Variants in C12orf76 observed in about 807,000 individuals in gnomAD.
The protein encoded by C12orf76 is chromosome 12 open reading frame 76.
A neutral mutation model predicts 6.8 loss-of-function variants in C12orf76; 6 were observed. The observed-to-expected ratio is 0.88, with a 90% CI of 0.48 to 1.73. The LOEUF (loss-of-function observed/expected upper bound fraction) is 1.73. C12orf76 is among the 40% of genes most tolerant of loss of function. The pLI, the probability that C12orf76 is intolerant of heterozygous loss-of-function variation, is 0.01. For missense variants in C12orf76, 99 were observed against 98.2 expected (o/e 1.01, Z -0.03); for synonymous variants, 56 against 43.7 (o/e 1.28, Z -1.11).
chr12:110,048,582 C>G (rs749634780), upstream of C12orf76: 8 of 1,337,244 alleles, frequency 6.0e-6, no homozygotes, highest in Non-Finnish European at 7.6e-6. Context: ...GTCGCTGCCA[C>G]CGCCCTTAGG....
chr12:110,065,599 C>T (rs530928283), intron 2 of C12orf76, among the ~76,000 whole-genome samples: 3 of 152,272 alleles, frequency 2.0e-5, no homozygotes, highest in Non-Finnish European at 2.9e-5. Flanking sequence ...ATCTCTCTGG[C>T]TCCACCATCC....
upstream of C12orf76, among the ~76,000 whole-genome samples, chr12:110,070,522 C>G (rs555626257): frequency 6.7e-6 from 1 of 150,202 alleles, no homozygotes; most frequent in South Asian, 2.1e-4. Context: ...GCTGTGATCA[C>G]GCCACTGCAC....
chr12:110,048,485 G>T lies in C12orf76; in HGVS notation c.11C>A (p.Pro4Gln). The change falls in exon 1 of 2, where the codon CCA (proline) becomes CAA (glutamine). Residue 4 changes from proline (P) to glutamine (Q), a missense_variant. By Grantham distance (76) the Pro-to-Gln change is moderately conservative. Coordinates refer to ENST00000615315, the MANE Select transcript of C12orf76 (RefSeq NM_001389625.1). Reference sequence around the variant, plus strand: ...GCCAAGGTACAGCCACGGTAACGCTGGACGCAGCATCTTCCCCAGCCCTGC... The same window carrying T: ...GCCAAGGTACAGCCACGGTAACGCTTGACGCAGCATCTTCCCCAGCCCTGC... MLR[P>Q]ALPWLYLGLC... 3 of 1,450,116 alleles carry T rather than the reference G, an allele frequency of 2.1e-6. No individual in the cohort carries two copies. The highest frequency in any genetic ancestry group is 2.7e-6 in the Non-Finnish European group (3 of 1,102,632). The allele number at this position is 1,450,116 out of a possible 1,614,324, so 89.8% of individuals were successfully genotyped here. A position where few individuals can be genotyped will look rare whatever the true frequency, so the allele number is the denominator to read the frequency against.
chr12:110,069,480 A>G (rs562289702), upstream of C12orf76, among the ~76,000 whole-genome samples: 1 of 152,258 alleles, frequency 6.6e-6, no homozygotes, highest in South Asian at 2.1e-4. Context: ...GCTTATCAAA[A>G]TTGCCTTTTA....
At position 110,054,837 on chromosome 12, in the gene C12orf76, C is replaced by T. The variant is rs1057125985; in HGVS notation, n.664+2352G>A. Among the ~76,000 whole-genome samples the T allele has an allele frequency of 3.3e-5, 5 of 152,150 alleles. No homozygotes were observed. The highest frequency in any genetic ancestry group is 7.3e-5 in the Non-Finnish European group (5 of 68,040). On this transcript the variant is annotated intron_variant and non_coding_transcript_variant, in intron 4 of 4. Coordinates refer to the C12orf76 transcript ENST00000309050. This position sits in a 1 kb window ranked among gnomAD's most constrained non-coding sequence, Gnocchi z 4.4. ...TAGAGATGGAGTCTTGCTGTGTTGC[C>T]GAGGCTGGAACGCAGTGGCTATTTC...
chr12:110,049,712 T>G (rs1381141034), upstream of C12orf76: 1 of 152,238 alleles, frequency 6.6e-6, no homozygotes, highest in Non-Finnish European at 1.5e-5. Context: ...TCAGGCCATC[T>G]GGATGTATAC....
chr12:110,069,853 A>C (rs1892939469), upstream of C12orf76, among the ~76,000 whole-genome samples: 1 of 152,208 alleles, frequency 6.6e-6, no homozygotes, highest in African/African-American at 2.4e-5. Context: ...AATTTGAGGG[A>C]GTTAAATACA....
upstream of C12orf76, among the ~76,000 whole-genome samples, chr12:110,053,393 G>A (rs772881938): frequency 7.2e-5 from 11 of 152,188 alleles, no homozygotes; most frequent in East Asian, 5.8e-4. Context: ...CAGCTACTCC[G>A]GAGGCTGAGG....
rs1341300566 is a variant in C12orf76, at chr12:110,041,212, C to G, written c.*1162G>C. 6.6e-6 allele frequency: 1 copy of G among 152,464 alleles called. No individual in the cohort carries two copies. Among genetic ancestry groups the G allele is most frequent in the Non-Finnish European group, 1.5e-5 (1 of 68,036 alleles). 9.4% of individuals were successfully genotyped at this position (152,464 alleles called of 1,614,324 possible). A position where few individuals can be genotyped will look rare whatever the true frequency, so the allele number is the denominator to read the frequency against. On this transcript the variant is annotated 3_prime_UTR_variant, in exon 2 of 2. Coordinates refer to ENST00000615315, the MANE Select transcript of C12orf76 (RefSeq NM_001389625.1). ...CTTTAGTTTTAATTGACGTTTTGCT[C>G]AAAAGCAAAGAACTGAACATTTCAA...
exon 3 of C12orf76, chr12:110,059,001 C>A (rs1327799937): frequency 1.3e-6 from 2 of 1,548,024 alleles, no homozygotes; most frequent in South Asian, 2.4e-5. Flanking sequence ...CACCTAATAG[C>A]CGAACAAACT....
chr12:110,058,301 T>C lies in C12orf76; in HGVS notation n.556+687A>G, dbSNP rs558945339. Among the ~76,000 whole-genome samples, 11 of 152,290 alleles carry C rather than the reference T, an allele frequency of 7.2e-5. No individual in the cohort carries two copies. The East Asian group carries it at 1.9e-3, about 27-fold the overall frequency. On this transcript the variant is annotated intron_variant and non_coding_transcript_variant, in intron 3 of 4. Transcript: ENST00000309050. ...TCTATGACAGTAAAGATATCTGTGA[T>C]AAAGATAGATCTATGATACACAATC...
In C12orf76 at chr12:110,047,396, T is replaced by C. The variant is rs114626496; in HGVS notation, c.133+967A>G. Among the ~76,000 whole-genome samples the C allele has an allele frequency of 4.8e-3, 725 of 152,228 alleles. 8 individuals carry two copies. The highest frequency in any genetic ancestry group is 0.017 in the African/African-American group (700 of 41,530). ...AGTTTCATTTTCCTTATCTGAAAAA[T>C]AGAGCTGCAACATCAGGTGCGGTGG... On this transcript the variant is annotated intron_variant, in intron 1 of 1. Coordinates refer to ENST00000615315, the MANE Select transcript of C12orf76 (RefSeq NM_001389625.1).
At chr12:110,050,649 ATATGGTC>A, upstream of C12orf76, 1 of 275,636 alleles carries the variant, frequency 3.6e-6, no homozygotes, top group African/African-American at 2.2e-5. Flanking sequence ...AAGTTACCCT[ATATGGTC>A]TAAAAGGGGG....
At chr12:110,059,161 T>G (rs1407578224) in exon 3 of C12orf76, 13 of 1,542,096 alleles carry the variant, frequency 8.4e-6, no homozygotes, top group Non-Finnish European at 1.1e-5. Context: ...CAAATGTTCC[T>G]TGCTGGTGTA....
chr12:110,049,939 G>A (rs538115521), upstream of C12orf76: 5 of 152,242 alleles, frequency 3.3e-5, no homozygotes, highest in South Asian at 2.1e-4. Flanking sequence ...AATCAATCAC[G>A]ACCCTTTCAT....
chr12:110,052,531 C>T (rs1477948615), upstream of C12orf76, among the ~76,000 whole-genome samples: 1 of 152,168 alleles, frequency 6.6e-6, no homozygotes, highest in East Asian at 1.9e-4. Context: ...TTAATACGTG[C>T]CAAGTGCTCT....
upstream of C12orf76, among the ~76,000 whole-genome samples, chr12:110,071,512 T>C (rs1892959596): frequency 6.6e-6 from 1 of 152,228 alleles, no homozygotes; most frequent in Non-Finnish European, 1.5e-5. Flanking sequence ...CTCATGCCTT[T>C]TTTTTTGTTT....
chr12:110,048,379 C>T lies in C12orf76; in HGVS notation c.117G>A (p.Leu39=). The T allele has an allele frequency of 6.6e-7, 1 of 1,515,736 alleles. No individual in the cohort carries two copies. Among genetic ancestry groups the T allele is most frequent in the Non-Finnish European group, 8.8e-7 (1 of 1,137,310 alleles). 93.9% of individuals were successfully genotyped at this position (1,515,736 alleles called of 1,614,324 possible). A position where few individuals can be genotyped will look rare whatever the true frequency, so the allele number is the denominator to read the frequency against. The part of the protein sequence containing the change: ...PLERSRPYAV[L]RGQNLVLMGT... ...GCCGCTCACCCAGGTTCTGCCCTCGCAGCACCGCGTACGGCCGGCTCCGCT... is the reference window on the plus strand; with the variant it reads ...GCCGCTCACCCAGGTTCTGCCCTCGTAGCACCGCGTACGGCCGGCTCCGCT... The change falls in exon 1 of 2, where the codon CTG becomes CTA. Residue 39 remains leucine (L), a synonymous_variant. Transcript: ENST00000615315.
chr12:110,041,997 CCTT>C lies in C12orf76; in HGVS notation c.*374_*376del, dbSNP rs1234145536. 9 of 201,718 alleles carry C rather than the reference CCTT, an allele frequency of 4.5e-5. No individual in the cohort carries two copies. Among genetic ancestry groups the C allele is most frequent in the Non-Finnish European group, 7.1e-5 (7 of 98,280 alleles). 12.5% of individuals were successfully genotyped at this position (201,718 alleles called of 1,614,324 possible). ...TAGGGAATGTCTGCATGGTAAGTCTCCTTCTTAATAACATTTTCAAGCATTAAT... is the reference window on the plus strand; with the variant it reads ...TAGGGAATGTCTGCATGGTAAGTCTCCTTAATAACATTTTCAAGCATTAAT... On this transcript the variant is annotated 3_prime_UTR_variant, in exon 2 of 2. Coordinates refer to ENST00000615315, the MANE Select transcript of C12orf76 (RefSeq NM_001389625.1).
Sources: allele counts gnomAD v4.1 joint callset (sites outside exome capture counted in the v4.1 genomes callset), GRCh38; gene constraint gnomAD v4.1.1; non-coding constraint Gnocchi (gnomAD v3.1); transcripts MANE v1.5; gene names NCBI Gene and HGNC (gene_info 2026-07-23, HGNC 2026-07-21).